The following WFDC11 variants were observed in gnomAD, a reference collection of about 807,000 sequenced individuals.
WFDC11 encodes WAP four-disulfide core domain 11.
WFDC11 carries 9 observed loss-of-function variants against 9.9 expected under a neutral mutation model. The observed-to-expected ratio is 0.91, with a 90% CI of 0.55 to 1.58. The LOEUF (loss-of-function observed/expected upper bound fraction) is 1.58, where lower values mean the gene tolerates loss of function less well. WFDC11 is among the 40% of genes most tolerant of loss of function. The pLI is 0.00. For missense variants in WFDC11, 106 were observed against 101.7 expected (o/e 1.04, Z -0.18); for synonymous variants, 32 against 33.3 (o/e 0.96, Z 0.13).
At position 45,667,152 on chromosome 20, in the gene WFDC11, C is replaced by G. The variant is rs1169377130; in HGVS notation, c.-116G>C. 1 of 152,168 alleles carries G rather than the reference C, an allele frequency of 6.6e-6. No individual in the cohort carries two copies. Among genetic ancestry groups the G allele is most frequent in the Non-Finnish European group, 1.5e-5 (1 of 68,042 alleles). 9.4% of individuals were successfully genotyped at this position (152,168 alleles called of 1,614,324 possible). A position where few individuals can be genotyped will look rare whatever the true frequency, so the allele number is the denominator to read the frequency against. On this transcript the variant is annotated 5_prime_UTR_variant, in exon 2 of 5. Coordinates refer to ENST00000324384, the MANE Select transcript of WFDC11 (RefSeq NM_147197.2). ...GACTGGTGGCTCTTCTTCCTTGCCT[C>G]TAGGAACCATGGAGCCCCTGCACAG...
intron 4 of WFDC11, 132 bp downstream of exon 4, chr20:45,649,125 G>A: frequency 9.1e-7 from 1 of 1,104,368 alleles, no homozygotes; most frequent in Non-Finnish European, 1.3e-6. Flanking sequence ...CCAAGTTAAA[G>A]GGACATTGTC....
At chr20:45,660,011 T>A (rs1001493964) in intron 2 of WFDC11, among the ~76,000 whole-genome samples, 5 of 152,170 alleles carry the variant, frequency 3.3e-5, no homozygotes, top group African/African-American at 1.2e-4. Flanking sequence ...TTGTCAAAGA[T>A]CAGATGGTTG....
At chr20:45,650,371 G>T (rs1457673736) in intron 3 of WFDC11, 130 bp downstream of exon 3, 15 of 670,472 alleles carry the variant, frequency 2.2e-5, no homozygotes, top group Non-Finnish European at 3.9e-5. Context: ...ATACAAAATT[G>T]TCATTCTCTG....
chr20:45,661,369 C>T (rs1216987580), intron 2 of WFDC11, among the ~76,000 whole-genome samples: 1 of 151,386 alleles, frequency 6.6e-6, no homozygotes, highest in Non-Finnish European at 1.5e-5. Flanking sequence ...TTGTAGGTTG[C>T]CTGTTCACTC....
At chr20:45,666,755 C>G (rs896071731) in intron 2 of WFDC11, among the ~76,000 whole-genome samples, 3 of 152,058 alleles carry the variant, frequency 2.0e-5, no homozygotes, top group Admixed American at 6.5e-5. Flanking sequence ...TACAGCCAAC[C>G]TTTTCTTTGA....
intron 2 of WFDC11, among the ~76,000 whole-genome samples, chr20:45,655,173 G>A (rs911868224): frequency 6.6e-6 from 1 of 152,128 alleles, no homozygotes; most frequent in Admixed American, 6.6e-5. Flanking sequence ...CATTGGTGCA[G>A]AAATCCTCAA....
intron 4 of WFDC11, 58 bp downstream of exon 4, chr20:45,649,199 C>G: frequency 6.3e-7 from 1 of 1,594,666 alleles, no homozygotes; most frequent in Non-Finnish European, 8.6e-7. Flanking sequence ...TAACAGCCTC[C>G]GAGAAGGGAA....
At chr20:45,658,814 T>C (rs754118287) in intron 2 of WFDC11, among the ~76,000 whole-genome samples, 105 of 152,360 alleles carry the variant, frequency 6.9e-4, no homozygotes, top group Middle Eastern at 6.8e-3. Context: ...GGTGATTTGC[T>C]GTACCCATCA....
Position 45,649,353 on chromosome 20 carries a change from T to C in WFDC11, c.147A>G (p.Lys49=). 6.2e-7 allele frequency: 1 copy of C among 1,614,210 alleles called. No individual in the cohort carries two copies. The highest frequency in any genetic ancestry group is 8.5e-7 in the Non-Finnish European group (1 of 1,180,030). The change falls in exon 4 of 5, where the codon AAA becomes AAG. Residue 49 remains lysine, a synonymous_variant. Coordinates refer to ENST00000324384, the MANE Select transcript of WFDC11 (RefSeq NM_147197.2). ...CTTTAGAACACTTATTGGTACATTC[T>C]TTGACATTTGGCTTTCCCCAGCATT... ...LEECWGKPNV[K]ECTNKCSKAF...
At chr20:45,651,822 C>T (rs1169642759) in intron 2 of WFDC11, among the ~76,000 whole-genome samples, 1 of 148,612 alleles carries the variant, frequency 6.7e-6, no homozygotes, top group Admixed American at 6.6e-5. Context: ...CCTATGACCA[C>T]GGAGCCTCAC....
chr20:45,659,978 C>T (rs192890877), intron 2 of WFDC11, among the ~76,000 whole-genome samples: 137 of 152,160 alleles, frequency 9.0e-4, no homozygotes, highest in Non-Finnish European at 1.7e-3. Context: ...GAATGCTTTC[C>T]CTATTGCTTG....
intron 2 of WFDC11, among the ~76,000 whole-genome samples, chr20:45,665,642 CTGTT>C (rs1983172095): frequency 6.6e-6 from 1 of 152,160 alleles, no homozygotes; most frequent in Non-Finnish European, 1.5e-5. Context: ...CTATTCCTTT[CTGTT>C]TGTTAGTTTT....
At chr20:45,652,525 C>T (rs1016338073) in intron 2 of WFDC11, among the ~76,000 whole-genome samples, 2 of 152,114 alleles carry the variant, frequency 1.3e-5, no homozygotes, top group Non-Finnish European at 2.9e-5. Context: ...AATCAGAGTG[C>T]CTCTCCTCCT....
chr20:45,651,041 A>T (rs1448322484), intron 2 of WFDC11, among the ~76,000 whole-genome samples: 1 of 152,204 alleles, frequency 6.6e-6, no homozygotes, highest in Non-Finnish European at 1.5e-5. Flanking sequence ...CCCAACAGTC[A>T]TCTTTTCTGC....
In WFDC11 at chr20:45,650,597, C is replaced by T; in HGVS notation, c.4G>A (p.Val2Ile). The change falls in exon 3 of 5, where the codon GTC (valine) becomes ATC (isoleucine). Residue 2 changes from valine (V) to isoleucine (I), a missense_variant. Coordinates refer to ENST00000324384, the MANE Select transcript of WFDC11 (RefSeq NM_147197.2). M[V>I]SLMKLWIPML... The stretch of plus-strand genomic sequence containing the variant: ...GGTATCCAGAGCTTCATGAGGCTGA[C>T]CATATGTGTCTGAATATGTGTTGTC... The T allele has an allele frequency of 6.2e-7, 1 of 1,613,388 alleles. No individual in the cohort carries two copies. The highest frequency in any genetic ancestry group is 8.5e-7 in the Non-Finnish European group (1 of 1,179,348).
chr20:45,651,746 C>T (rs6130877), intron 2 of WFDC11, among the ~76,000 whole-genome samples: 23,214 of 149,058 alleles, frequency 0.16, 2,029 homozygotes, highest in East Asian at 0.32. Context: ...CCTAATACTG[C>T]GCTTTTCCAA....
chr20:45,659,792 C>A (rs955319102), intron 2 of WFDC11, among the ~76,000 whole-genome samples: 11 of 152,122 alleles, frequency 7.2e-5, no homozygotes, highest in Non-Finnish European at 1.5e-4. Context: ...TTTGCTCATC[C>A]CTATGTCCTG....
intron 2 of WFDC11, among the ~76,000 whole-genome samples, chr20:45,662,695 T>C (rs1190168271): frequency 6.6e-6 from 1 of 152,228 alleles, no homozygotes; most frequent in African/African-American, 2.4e-5. Flanking sequence ...TTTTTGTCTT[T>C]GGTTCTGTTT....
chr20:45,666,345 A>G (rs1983187817), intron 2 of WFDC11, among the ~76,000 whole-genome samples: 1 of 152,172 alleles, frequency 6.6e-6, no homozygotes, highest in African/African-American at 2.4e-5. Flanking sequence ...TCCCTTGGCT[A>G]GTAAAGGGAA....
Sources: gnomAD v4.1 joint callset for allele counts (sites outside exome capture counted in the v4.1 genomes callset) on GRCh38, gnomAD v4.1.1 for gene constraint, MANE v1.5 for transcripts, NCBI Gene and HGNC (gene_info 2026-07-23, HGNC 2026-07-21) for gene names.